The following KCNH7 variants were observed in gnomAD, a reference collection of about 807,000 sequenced individuals.
The protein encoded by KCNH7 is potassium voltage-gated channel subfamily H member 7, also known as voltage-gated inwardly rectifying potassium channel KCNH7.
In KCNH7, 49 loss-of-function variants were observed where a neutral mutation model predicts 120.8. The ratio of observed to expected loss-of-function variants is 0.41; its 90% CI spans 0.32 to 0.51. KCNH7 has a LOEUF of 0.51. Among genes scored for constraint, KCNH7 ranks in the 20% least tolerant of loss-of-function variants. The pLI, the probability that KCNH7 is intolerant of heterozygous loss-of-function variation, is 0.38. For synonymous variants in KCNH7, 547 were observed against 516.1 expected (o/e 1.06, Z -0.81); for missense variants, 1,097 against 1,446.6 (o/e 0.76, Z 3.92).
At chr2:162,769,330 A>T (rs1398043570) in intron 2 of KCNH7, among the ~76,000 whole-genome samples, 1 of 152,160 alleles carries the variant, frequency 6.6e-6, no homozygotes, top group Non-Finnish European at 1.5e-5. Context: ...ACCTCTTCAA[A>T]ATGCCCACTT....
intron 2 of KCNH7, among the ~76,000 whole-genome samples, chr2:162,573,006 C>A (rs1291511117): frequency 6.6e-6 from 1 of 151,942 alleles, no homozygotes; most frequent in East Asian, 1.9e-4. Context: ...ATGTAACTAA[C>A]CTGCACATTG....
chr2:162,518,248 C>G, intron 3 of KCNH7, 90 bp from the exon 4 acceptor site: 2 of 948,346 alleles, frequency 2.1e-6, no homozygotes, highest in Non-Finnish European at 3.1e-6. Flanking sequence ...ATTTAAACAC[C>G]ATGTAAAAAT....
At chr2:162,696,428 T>G (rs1425092178) in intron 2 of KCNH7, among the ~76,000 whole-genome samples, 1 of 152,140 alleles carries the variant, frequency 6.6e-6, no homozygotes, top group Non-Finnish European at 1.5e-5. Flanking sequence ...AAACTAGAAT[T>G]TTTGCTGTGG....
intron 2 of KCNH7, among the ~76,000 whole-genome samples, chr2:162,636,809 C>T (rs1484584464): frequency 6.6e-6 from 1 of 152,046 alleles, no homozygotes; most frequent in African/African-American, 2.4e-5. Context: ...TTCAATGGCC[C>T]AAGTTATGAA....
chr2:162,458,621 T>C (rs2105596826), intron 6 of KCNH7, among the ~76,000 whole-genome samples: 3 of 152,318 alleles, frequency 2.0e-5, no homozygotes, highest in Middle Eastern at 3.4e-3. Flanking sequence ...TAAGTAAAAT[T>C]TAAGAGAAGG....
intron 2 of KCNH7, among the ~76,000 whole-genome samples, chr2:162,729,714 G>A (rs190861712): frequency 4.6e-5 from 7 of 152,188 alleles, no homozygotes; most frequent in Non-Finnish European, 1.0e-4. Context: ...TCATTTTGGG[G>A]GGAAGTATTC....
At chr2:162,386,520 T>C (rs1442899184) in intron 12 of KCNH7, among the ~76,000 whole-genome samples, 1 of 151,876 alleles carries the variant, frequency 6.6e-6, no homozygotes, top group South Asian at 2.1e-4. Context: ...ACCAGTTTGC[T>C]CTTCCTAAGT....
chr2:162,766,952 T>C (rs1250019287), intron 2 of KCNH7, among the ~76,000 whole-genome samples: 1 of 148,328 alleles, frequency 6.7e-6, no homozygotes, highest in Non-Finnish European at 1.5e-5. Flanking sequence ...GAATGCTCTG[T>C]ACATTGTTCT....
intron 2 of KCNH7, among the ~76,000 whole-genome samples, chr2:162,755,711 T>C (rs1370269575): frequency 2.0e-5 from 3 of 152,140 alleles, no homozygotes; most frequent in African/African-American, 7.2e-5. Flanking sequence ...TACAGACATA[T>C]TTAGACAGAT....
At chr2:162,732,472 A>C (rs1687765066) in intron 2 of KCNH7, among the ~76,000 whole-genome samples, 1 of 151,648 alleles carries the variant, frequency 6.6e-6, no homozygotes, top group Non-Finnish European at 1.5e-5. Context: ...TTTCACATTT[A>C]TCCAGTTACT....
chr2:162,760,377 C>T (rs1688928066), intron 2 of KCNH7, among the ~76,000 whole-genome samples: 1 of 152,000 alleles, frequency 6.6e-6, no homozygotes, highest in Non-Finnish European at 1.5e-5. Flanking sequence ...CAATAAACTC[C>T]TCCTTGCATT....
chr2:162,491,394 G>A (rs1690302293), intron 6 of KCNH7, among the ~76,000 whole-genome samples: 1 of 152,060 alleles, frequency 6.6e-6, no homozygotes, highest in Non-Finnish European at 1.5e-5. Context: ...ATTTTACTAG[G>A]CCAGGACCCC....
In KCNH7 at chr2:162,680,636, C is replaced by G. The variant is rs78163891; in HGVS notation, c.308-143556G>C. Among the ~76,000 whole-genome samples the G allele has an allele frequency of 3.5e-4, 53 of 151,764 alleles. No individual in the cohort carries two copies. The East Asian group carries it at 0.01, about 29-fold the overall frequency. ...GAACTTATAATCTATTGGGAAGCTG[C>G]CATTATACTAATAGAAATGTAAATA... On this transcript the variant is annotated intron_variant, in intron 2 of 15. Coordinates refer to ENST00000332142, the MANE Select transcript of KCNH7 (RefSeq NM_033272.4).
intron 2 of KCNH7, among the ~76,000 whole-genome samples, chr2:162,657,869 A>G (rs1684820574): frequency 7.2e-6 from 1 of 139,782 alleles, no homozygotes; most frequent in Non-Finnish European, 1.5e-5. Flanking sequence ...AACTCATAGA[A>G]GATAACAAAT....
At chr2:162,483,354 C>A (rs2105688564) in intron 6 of KCNH7, among the ~76,000 whole-genome samples, 2 of 152,240 alleles carry the variant, frequency 1.3e-5, no homozygotes, top group Admixed American at 1.3e-4. Flanking sequence ...CAGACTATTT[C>A]CTCCATCCAC....
chr2:162,825,932 G>C (rs12465263), intron 2 of KCNH7, among the ~76,000 whole-genome samples: 91,238 of 151,820 alleles, frequency 0.6, 28,405 homozygotes, highest in South Asian at 0.84. Context: ...GTGGATATCT[G>C]TTAGTATTAA....
At chr2:162,722,270 A>G (rs10201386) in intron 2 of KCNH7, among the ~76,000 whole-genome samples, 8,293 of 152,218 alleles carry the variant, frequency 0.054, 713 homozygotes, top group African/African-American at 0.18. Context: ...AAAAATATTC[A>G]AGAATAACTA....
chr2:162,538,637 C>G (rs1485346177), intron 2 of KCNH7, among the ~76,000 whole-genome samples: 2 of 152,060 alleles, frequency 1.3e-5, no homozygotes, highest in African/African-American at 4.8e-5. Flanking sequence ...CATAAGAAAA[C>G]TCTTTCCTTT....
At chr2:162,637,190 T>C (rs1250909793) in intron 2 of KCNH7, among the ~76,000 whole-genome samples, 1 of 152,136 alleles carries the variant, frequency 6.6e-6, no homozygotes, top group African/African-American at 2.4e-5. Flanking sequence ...TTCCATCCTC[T>C]TGTTTTCATG....
Sources: allele counts gnomAD v4.1 joint callset (sites outside exome capture counted in the v4.1 genomes callset), GRCh38; gene constraint gnomAD v4.1.1; transcripts MANE v1.5; gene names NCBI Gene and HGNC (gene_info 2026-07-23, HGNC 2026-07-21).